DNM3: variants seen among roughly 807,000 people sequenced by gnomAD.
DNM3 encodes the protein dynamin-3.
Under a neutral mutation model 101.6 loss-of-function variants are expected in DNM3, and 47 were observed. The ratio of observed to expected loss-of-function variants is 0.46; its 90% confidence interval spans 0.37 to 0.59. The LOEUF (loss-of-function observed/expected upper bound fraction) is 0.59, where lower values mean the gene tolerates loss of function less well. Ranked by LOEUF, DNM3 falls within the 20% of genes least tolerant of loss-of-function variation. The pLI, the probability that DNM3 is intolerant of heterozygous loss-of-function variation, is 0.00. For synonymous variants in DNM3, 385 were observed against 387.9 expected (o/e 0.99, Z 0.09); for missense variants, 849 against 1,085.7 (o/e 0.78, Z 3.06).
At chr1:172,040,623 G>C (rs911103658) in intron 7 of DNM3, among the ~76,000 whole-genome samples, 1 of 152,060 alleles carries the variant, frequency 6.6e-6, no homozygotes, top group African/African-American at 2.4e-5. Flanking sequence ...TTGCCCTTAG[G>C]AGAGTGACTA....
chr1:172,219,361 G>A (rs967690528), intron 14 of DNM3, among the ~76,000 whole-genome samples: 7 of 108,730 alleles, frequency 6.4e-5, no homozygotes, highest in Admixed American at 6.3e-4. Flanking sequence ...CTGGGTGACA[G>A]AGGAATACCC....
chr1:172,382,533 G>T (rs977700620), intron 18 of DNM3, among the ~76,000 whole-genome samples: 5 of 152,148 alleles, frequency 3.3e-5, no homozygotes, highest in Non-Finnish European at 5.9e-5. Context: ...ACAGCTGGGG[G>T]TGGCAGAGTT....
intron 17 of DNM3, among the ~76,000 whole-genome samples, chr1:172,337,241 A>G (rs1373472108): frequency 2.6e-5 from 4 of 152,192 alleles, no homozygotes; most frequent in Non-Finnish European, 5.9e-5. Flanking sequence ...TTTTACATTC[A>G]GAATTTGTTT....
In DNM3 at chr1:172,410,030, A is replaced by G; in HGVS notation, c.*2189A>G. The G allele has an allele frequency of 1.0e-6, 1 of 985,682 alleles. No homozygotes were observed. The highest frequency in any genetic ancestry group is 1.2e-6 in the Non-Finnish European group (1 of 829,870). The allele number at this position is 985,682 out of a possible 1,614,324, so 61.1% of individuals were successfully genotyped here. A position where few individuals can be genotyped will look rare whatever the true frequency, so the allele number is the denominator to read the frequency against. On this transcript the variant is annotated 3_prime_UTR_variant, in exon 21 of 21. Transcript: ENST00000627582. ...CATCTTTGGCACTTGCTTTTAGATT[A>G]TAGTCCCACAGTTGCACTGCCCCAA...
At chr1:171,961,192 T>C (rs910759474) in intron 2 of DNM3, among the ~76,000 whole-genome samples, 1 of 152,042 alleles carries the variant, frequency 6.6e-6, no homozygotes, top group Non-Finnish European at 1.5e-5. Context: ...GGGATGTTGG[T>C]ACAAGGAAGA....
At chr1:172,375,874 C>T (rs1558060443) in intron 17 of DNM3, among the ~76,000 whole-genome samples, 1 of 147,098 alleles carries the variant, frequency 6.8e-6, no homozygotes, top group Admixed American at 6.8e-5. Context: ...ATTAGCTGGG[C>T]GTGGCATGTA....
chr1:172,239,802 T>C (rs1414599026), intron 14 of DNM3, among the ~76,000 whole-genome samples: 14 of 76,132 alleles, frequency 1.8e-4, no homozygotes, highest in African/African-American at 7.8e-4. Context: ...TTTTTTCTCT[T>C]TTTTTTTTTT....
intron 10 of DNM3, among the ~76,000 whole-genome samples, chr1:172,067,932 G>A (rs1479531109): frequency 6.6e-6 from 1 of 152,196 alleles, no homozygotes; most frequent in Non-Finnish European, 1.5e-5. Context: ...ATGGGCTCTG[G>A]AGTCCTAGGA....
rs190361446 is a variant in DNM3 at position 172,309,011 on chromosome 1, C to A, written c.1881+172C>A. 4.7e-4 allele frequency: 199 copies of A among 425,216 alleles called. No homozygotes were observed. In the Middle Eastern group the frequency reaches 9.0e-3, roughly 19 times the overall value. The allele number at this position is 425,216 out of a possible 1,614,324, so 26.3% of individuals were successfully genotyped here. On this transcript the variant is annotated intron_variant, in intron 16 of 20. Coordinates refer to ENST00000627582, the MANE Select transcript of DNM3 (RefSeq NM_015569.5). ...TTTATATTTTTTAACAATGCTTTTT[C>A]TCTGTTAGATTTCTATTTGAAGAAG...
chr1:172,052,381 A>T (rs984514748), intron 10 of DNM3, among the ~76,000 whole-genome samples: 1 of 152,056 alleles, frequency 6.6e-6, no homozygotes, highest in African/African-American at 2.4e-5. Context: ...TCAACATATA[A>T]ATATATCTAT....
At chr1:172,266,351 A>G (rs2062858752) in intron 15 of DNM3, among the ~76,000 whole-genome samples, 1 of 152,202 alleles carries the variant, frequency 6.6e-6, no homozygotes, top group South Asian at 2.1e-4. Context: ...TCGGATCTAC[A>G]TTAAAAAAGG....
chr1:172,274,611 A>G (rs980494995), intron 15 of DNM3, among the ~76,000 whole-genome samples: 2 of 151,936 alleles, frequency 1.3e-5, no homozygotes, highest in Non-Finnish European at 2.9e-5. Context: ...ACTAAATGCT[A>G]TGTATGCCAA....
At chr1:171,861,729 A>G (rs933291453) in intron 1 of DNM3, among the ~76,000 whole-genome samples, 5 of 152,182 alleles carry the variant, frequency 3.3e-5, no homozygotes, top group African/African-American at 1.2e-4. Context: ...AAAATAAAAA[A>G]TAGTTAAAGT....
chr1:171,977,504 G>A (rs1302136981), intron 2 of DNM3, among the ~76,000 whole-genome samples: 1 of 152,124 alleles, frequency 6.6e-6, no homozygotes, highest in Non-Finnish European at 1.5e-5. Context: ...AGTAAACAAA[G>A]TAATCTATAG....
intron 1 of DNM3, among the ~76,000 whole-genome samples, chr1:171,888,603 G>C (rs55864801): frequency 0.022 from 3,385 of 152,200 alleles, 116 homozygotes; most frequent in African/African-American, 0.077. Context: ...GTTATTATGA[G>C]GGTCAAATAT....
At chr1:171,949,399 C>A (rs946093880) in intron 2 of DNM3, among the ~76,000 whole-genome samples, 1 of 151,960 alleles carries the variant, frequency 6.6e-6, no homozygotes, top group East Asian at 1.9e-4. Context: ...AAATTAAAAC[C>A]ATAACCAGGT....
intron 1 of DNM3, among the ~76,000 whole-genome samples, chr1:171,853,209 G>A (rs2125005779): frequency 1.3e-5 from 2 of 152,138 alleles, no homozygotes; most frequent in Non-Finnish European, 1.5e-5. Flanking sequence ...TGTCACCCAG[G>A]CTGGAGGGCA....
Position 172,409,623 on chromosome 1 carries a change from A to G in DNM3, c.*1782A>G, listed in dbSNP as rs2071096780. On this transcript the variant is annotated 3_prime_UTR_variant, in exon 21 of 21. Coordinates refer to ENST00000627582, the MANE Select transcript of DNM3 (RefSeq NM_015569.5). Reference sequence around the variant, plus strand: ...AAAAAGTTAACTCTTTGTGAATGGAACCAATGTGCAAGATACATACTGCAT... The same window carrying G: ...AAAAAGTTAACTCTTTGTGAATGGAGCCAATGTGCAAGATACATACTGCAT... The G allele has an allele frequency of 2.0e-6, 2 of 985,606 alleles. No homozygotes were observed. Among genetic ancestry groups the G allele is most frequent in the South Asian group, 4.7e-5 (1 of 21,292 alleles). 61.1% of individuals were successfully genotyped at this position (985,606 alleles called of 1,614,324 possible).
intron 6 of DNM3, among the ~76,000 whole-genome samples, chr1:172,036,910 A>C (rs12063328): frequency 0.035 from 5,300 of 152,178 alleles, 322 homozygotes; most frequent in African/African-American, 0.12. Flanking sequence ...ACAAAGGGCT[A>C]ATATCCAGAA....
Sources: gnomAD v4.1 joint callset for allele counts (sites outside exome capture counted in the v4.1 genomes callset) on GRCh38, gnomAD v4.1.1 for gene constraint, MANE v1.5 for transcripts, NCBI Gene and HGNC (gene_info 2026-07-23, HGNC 2026-07-21) for gene names.